The following ATRN variants were observed in gnomAD, a reference collection of about 807,000 sequenced individuals.
ATRN encodes attractin-2.
In ATRN, 54 loss-of-function variants were observed where a neutral mutation model predicts 178.7. The ratio of observed to expected loss-of-function variants is 0.30; its 90% CI spans 0.24 to 0.38. The LOEUF (loss-of-function observed/expected upper bound fraction) is 0.38, where lower values mean the gene tolerates loss of function less well. Ranked by LOEUF, ATRN falls within the 10% of genes least tolerant of loss-of-function variation. The pLI is 1.00. For synonymous variants in ATRN, 636 were observed against 663.0 expected, an observed-to-expected ratio of 0.96 and a Z score of 0.63; for missense variants, 1,443 against 1,815.1, an observed-to-expected ratio of 0.79 and a Z score of 3.73.
At chr20:3,523,927 T>C (rs1600071960) in intron 1 of ATRN, among the ~76,000 whole-genome samples, 1 of 152,080 alleles carries the variant, frequency 6.6e-6, no homozygotes, top group African/African-American at 2.4e-5. Flanking sequence ...GCTCTAAATA[T>C]GGAAAGGAAA....
At chr20:3,636,117 G>A (rs2087023229) in intron 26 of ATRN, among the ~76,000 whole-genome samples, 1 of 152,164 alleles carries the variant, frequency 6.6e-6, no homozygotes, top group African/African-American at 2.4e-5. Context: ...CTCCCTGAGT[G>A]CTTATGAGAA....
chr20:3,594,651 C>A (rs1425263681), intron 20 of ATRN, 79 bp downstream of exon 20: 4 of 1,187,248 alleles, frequency 3.4e-6, no homozygotes, highest in Non-Finnish European at 4.7e-6. Context: ...GAGAGCCACC[C>A]ACTTCCCTGT....
chr20:3,546,898 A>G (rs2085711684), intron 4 of ATRN, among the ~76,000 whole-genome samples: 1 of 152,160 alleles, frequency 6.6e-6, no homozygotes, highest in South Asian at 2.1e-4. Flanking sequence ...TTTCCTTCCC[A>G]GACTTCCAAG....
intron 1 of ATRN, among the ~76,000 whole-genome samples, chr20:3,506,667 T>C (rs1418762979): frequency 2.0e-5 from 3 of 149,796 alleles, no homozygotes; most frequent in Non-Finnish European, 4.4e-5. Context: ...GGGTTCTGGA[T>C]TGGATTTTGG....
At chr20:3,567,774 AG>A (rs929141131) in intron 11 of ATRN, among the ~76,000 whole-genome samples, 3 of 152,128 alleles carry the variant, frequency 2.0e-5, no homozygotes, top group Non-Finnish European at 2.9e-5. Flanking sequence ...TGACATACCA[AG>A]GCGGCAGGAG....
intron 6 of ATRN, among the ~76,000 whole-genome samples, chr20:3,552,487 G>A (rs144682017): frequency 1.3e-5 from 2 of 152,104 alleles, no homozygotes; most frequent in African/African-American, 4.8e-5. Context: ...AGAAATCTTG[G>A]GTCATCTGTG....
chr20:3,477,268 T>C lies in ATRN; in HGVS notation c.410+5751T>C, dbSNP rs7360932. 1.7e-3 allele frequency among the ~76,000 whole-genome samples: 90 copies of C among 51,716 alleles called. 1 individual carries two copies. The highest frequency in any genetic ancestry group is 0.011 in the East Asian group (27 of 2,352). 33.9% of individuals were successfully genotyped at this position (51,716 alleles called of 152,430 possible). A position where few individuals can be genotyped will look rare whatever the true frequency, so the allele number is the denominator to read the frequency against. On this transcript the variant is annotated intron_variant, in intron 1 of 28. Transcript: ENST00000262919. ...TGTAAGTTCCATGAGGGCAGGGGCC[T>C]GGAGCATAGTTCACAAGTCCAGTTT...
At chr20:3,480,979 A>G (rs1253058497) in intron 1 of ATRN, among the ~76,000 whole-genome samples, 1 of 152,156 alleles carries the variant, frequency 6.6e-6, no homozygotes, top group East Asian at 1.9e-4. Context: ...GTGTCTGGAA[A>G]TTGGCCATTA....
At chr20:3,574,402 C>G (rs985866190) in intron 12 of ATRN, among the ~76,000 whole-genome samples, 1 of 152,202 alleles carries the variant, frequency 6.6e-6, no homozygotes, top group Admixed American at 6.5e-5. Context: ...CCTATAGTCC[C>G]AGCTACTAGG....
chr20:3,579,090 AAG>A, intron 15 of ATRN, among the ~76,000 whole-genome samples: 1 of 152,270 alleles, frequency 6.6e-6, no homozygotes, highest in African/African-American at 2.4e-5. Flanking sequence ...CTAGGGGAGA[AAG>A]AGAGGTCACT....
intron 1 of ATRN, among the ~76,000 whole-genome samples, chr20:3,494,453 G>T (rs972601255): frequency 1.3e-5 from 2 of 152,122 alleles, no homozygotes; most frequent in Non-Finnish European, 2.9e-5. Context: ...CTGTCCAGAC[G>T]GGGGAGCTGG....
intron 19 of ATRN, among the ~76,000 whole-genome samples, chr20:3,593,857 G>C (rs577525244): frequency 6.6e-6 from 1 of 152,306 alleles, no homozygotes; most frequent in East Asian, 1.9e-4. Context: ...TATTACGTTG[G>C]ATGATAAAAG....
chr20:3,578,808 A>G, intron 15 of ATRN, 36 bp downstream of exon 15: 1 of 1,579,684 alleles, frequency 6.3e-7, no homozygotes, highest in Non-Finnish European at 8.6e-7. Context: ...GTTTCTGGTT[A>G]TCCACCTTTC....
rs747209194 is a variant in ATRN at position 3,575,911 on chromosome 20, A to G, written c.2177A>G (p.His726Arg). The change falls in exon 13 of 29, where the codon CAT becomes CGT. Residue 726 changes from histidine to arginine, a missense_variant. Physicochemically the swap from His to Arg is conservative, Grantham distance 29 (BLOSUM62 0). Coordinates refer to ENST00000262919, the MANE Select transcript of ATRN (RefSeq NM_139321.3). ...NTNDCHWCND[H>R]CVPRNHSCSE... ...AATGACTGCCACTGGTGCAATGACC[A>G]TTGTGTCCCCAGGAACCACAGCTGC... is the stretch of plus-strand genomic sequence containing the variant. 6.1e-5 allele frequency: 99 copies of G among 1,614,028 alleles called. No individual in the cohort carries two copies. The Middle Eastern group carries it at 9.9e-4, about 16-fold the overall frequency.
At chr20:3,511,982 G>T (rs1204250549) in intron 1 of ATRN, among the ~76,000 whole-genome samples, 3 of 147,630 alleles carry the variant, frequency 2.0e-5, no homozygotes, top group Non-Finnish European at 4.5e-5. Flanking sequence ...TTCTGTTTTT[G>T]TGAGGCCAAG....
intron 23 of ATRN, among the ~76,000 whole-genome samples, chr20:3,601,839 G>A (rs2086613383): frequency 6.7e-6 from 1 of 148,952 alleles, no homozygotes; most frequent in Non-Finnish European, 1.5e-5. Flanking sequence ...ACTCCAGTGT[G>A]GGCAAACAGA....
intron 2 of ATRN, among the ~76,000 whole-genome samples, chr20:3,536,209 T>C (rs1450335348): frequency 6.6e-6 from 1 of 151,978 alleles, no homozygotes; most frequent in Non-Finnish European, 1.5e-5. Flanking sequence ...ATTTATTATT[T>C]ATTTATTTAT....
intron 1 of ATRN, among the ~76,000 whole-genome samples, chr20:3,527,061 A>G (rs1338320785): frequency 1.3e-5 from 2 of 152,220 alleles, no homozygotes; most frequent in Non-Finnish European, 2.9e-5. Context: ...AAAGGCAACA[A>G]AAGCCAAAAT....
At chr20:3,587,827 CTGTTTGTTTGTTTGTT>C (rs200507855) in intron 18 of ATRN, among the ~76,000 whole-genome samples, 1 of 151,058 alleles carries the variant, frequency 6.6e-6, no homozygotes, top group Non-Finnish European at 1.5e-5. Flanking sequence ...GGTGTATTGC[CTGTTTGTTTGTTTGTT>C]TGTTTGTTTG....
Sources: allele counts gnomAD v4.1 joint callset (sites outside exome capture counted in the v4.1 genomes callset), GRCh38; gene constraint gnomAD v4.1.1; transcripts MANE v1.5; gene names NCBI Gene and HGNC (gene_info 2026-07-23, HGNC 2026-07-21).